Variants in MGAT4C observed in about 807,000 individuals in gnomAD.
MGAT4C encodes MGAT4 family member C, also known as alpha-1,3-mannosyl-glycoprotein 4-beta-N-acetylglucosaminyltransferase C.
In MGAT4C, 19 loss-of-function variants were observed where a neutral mutation model predicts 40.1. That is an observed-to-expected ratio of 0.47 (90% CI 0.33 to 0.70). MGAT4C has a LOEUF of 0.70. MGAT4C is among the 30% of genes least tolerant of loss of function. The probability of loss-of-function intolerance (pLI) is 0.02; values close to 1 mark genes in which losing one functional copy is unlikely to be tolerated. For synonymous variants in MGAT4C, 181 were observed against 187.1 expected, an observed-to-expected ratio of 0.97 and a Z score of 0.27; for missense variants, 491 against 563.2, an observed-to-expected ratio of 0.87 and a Z score of 1.30.
intron 2 of MGAT4C, among the ~76,000 whole-genome samples, chr12:86,665,117 G>A (rs1964071135): frequency 6.6e-6 from 1 of 151,566 alleles, no homozygotes; most frequent in African/African-American, 2.4e-5. Context: ...TAGACAAACT[G>A]TCTTTAAGAA....
chr12:86,588,913 G>C (rs1470414792), intron 2 of MGAT4C, among the ~76,000 whole-genome samples: 2 of 151,312 alleles, frequency 1.3e-5, no homozygotes, highest in African/African-American at 4.9e-5. Flanking sequence ...GTGAGTAGAG[G>C]GAAATTTATA....
At chr12:86,597,239 T>C (rs563560437) in intron 2 of MGAT4C, among the ~76,000 whole-genome samples, 24 of 152,312 alleles carry the variant, frequency 1.6e-4, no homozygotes, top group African/African-American at 5.8e-4. Context: ...ATTCTGACTC[T>C]TACCCTAACT....
rs570264119 is a variant in MGAT4C, at chr12:86,582,233, TAAC to T, written c.-229+144973_-229+144975del. Among the ~76,000 whole-genome samples, 41 of 151,596 alleles carry T rather than the reference TAAC, an allele frequency of 2.7e-4. No homozygotes were observed. The East Asian group carries it at 7.8e-3, about 29-fold the overall frequency. ...TTGAGACAATTGTTGCATCTGCTGA[TAAC>T]AACAACAAAGTCTTCAGGAGACTGT... is the stretch of plus-strand genomic sequence containing the variant. On this transcript the variant is annotated intron_variant, in intron 2 of 7. Coordinates refer to the MGAT4C transcript ENST00000548651.
chr12:86,724,695 G>A (rs1950793370), intron 2 of MGAT4C, among the ~76,000 whole-genome samples: 1 of 152,166 alleles, frequency 6.6e-6, no homozygotes, highest in African/African-American at 2.4e-5. Context: ...GAAATGTCAT[G>A]TTATAATGTC....
At chr12:86,835,771 T>C (rs1486770250) in intron 1 of MGAT4C, among the ~76,000 whole-genome samples, 1 of 151,918 alleles carries the variant, frequency 6.6e-6, no homozygotes, top group African/African-American at 2.4e-5. Context: ...CAAACAGTAC[T>C]CACATGCTCA....
chr12:86,711,306 G>T (rs1164927850), intron 2 of MGAT4C, among the ~76,000 whole-genome samples: 1 of 152,134 alleles, frequency 6.6e-6, no homozygotes, highest in Admixed American at 6.6e-5. Context: ...GGTAAAGTCT[G>T]TACCTGGCGC....
chr12:86,408,479 C>CTGTATATATA (rs1267344319), intron 3 of MGAT4C, among the ~76,000 whole-genome samples: 35 of 63,368 alleles, frequency 5.5e-4, no homozygotes, highest in African/African-American at 2.5e-3. Context: ...CTCTCTCTCT[C>CTGTATATATA]TATATATATA....
rs151142710 is a variant in MGAT4C at position 86,721,786 on chromosome 12, C to T, written c.-229+5423G>A. Among the ~76,000 whole-genome samples, 385 of 152,154 alleles carry T rather than the reference C, an allele frequency of 2.5e-3. 3 individuals carry two copies. The highest frequency in any genetic ancestry group is 4.5e-3 in the Non-Finnish European group (303 of 68,002). ...GAACAAAAAAACACACGCAGTTTGCCAGAGGGTCCAAGCTGGGTCCCTGAT... is the reference window on the plus strand; with the variant it reads ...GAACAAAAAAACACACGCAGTTTGCTAGAGGGTCCAAGCTGGGTCCCTGAT... On this transcript the variant is annotated intron_variant, in intron 2 of 7. Coordinates refer to the MGAT4C transcript ENST00000548651.
At chr12:86,685,835 C>G (rs1458408220) in intron 2 of MGAT4C, among the ~76,000 whole-genome samples, 1 of 149,340 alleles carries the variant, frequency 6.7e-6, no homozygotes, top group East Asian at 1.9e-4. Flanking sequence ...CTCTGTTTTT[C>G]TATTATTGGT....
intron 1 of MGAT4C, among the ~76,000 whole-genome samples, chr12:86,150,217 A>C (rs1043919261): frequency 6.6e-6 from 1 of 152,206 alleles, no homozygotes; most frequent in African/African-American, 2.4e-5. Context: ...AGACATGAAC[A>C]GACAGTAAAG....
At chr12:86,755,767 C>T (rs1380101602) in intron 1 of MGAT4C, among the ~76,000 whole-genome samples, 1 of 151,802 alleles carries the variant, frequency 6.6e-6, no homozygotes, top group Non-Finnish European at 1.5e-5. Context: ...CCAGCCACAG[C>T]CTCTGAGTAG....
chr12:86,574,726 T>C (rs972921315), intron 2 of MGAT4C, among the ~76,000 whole-genome samples: 3 of 151,848 alleles, frequency 2.0e-5, no homozygotes, highest in Non-Finnish European at 2.9e-5. Flanking sequence ...CCTTCATTGA[T>C]TGAGCAATTT....
chr12:86,801,302 T>C (rs1232631063), intron 1 of MGAT4C, among the ~76,000 whole-genome samples: 1 of 151,882 alleles, frequency 6.6e-6, no homozygotes, highest in Non-Finnish European at 1.5e-5. Flanking sequence ...AGGGAGAACA[T>C]TTTTTAAGTA....
intron 3 of MGAT4C, among the ~76,000 whole-genome samples, chr12:86,350,933 G>A (rs527786781): frequency 6.6e-6 from 1 of 151,528 alleles, no homozygotes; most frequent in South Asian, 2.1e-4. Flanking sequence ...TACCTTTATA[G>A]ACATGTTGTT....
intron 1 of MGAT4C, among the ~76,000 whole-genome samples, chr12:86,155,848 A>G (rs1884869092): frequency 6.6e-6 from 1 of 152,194 alleles, no homozygotes; most frequent in East Asian, 1.9e-4. Context: ...TGTTCTTTTA[A>G]TCCAGTGCTG....
At chr12:86,258,284 AATCT>A (rs10534958), upstream of MGAT4C, among the ~76,000 whole-genome samples, 30,125 of 146,566 alleles carry the variant, frequency 0.21, 3,056 homozygotes, top group South Asian at 0.24. Context: ...AACAGGATAT[AATCT>A]ATCTATCTAT....
At chr12:86,081,991 G>C (rs1224881290) in intron 1 of MGAT4C, among the ~76,000 whole-genome samples, 5 of 152,266 alleles carry the variant, frequency 3.3e-5, no homozygotes, top group East Asian at 3.9e-4. Flanking sequence ...AGTTTGTGCA[G>C]CATACTGTCT....
At chr12:86,737,884 T>TA (rs1331187893) in intron 1 of MGAT4C, among the ~76,000 whole-genome samples, 4 of 151,554 alleles carry the variant, frequency 2.6e-5, no homozygotes, top group African/African-American at 9.7e-5. Flanking sequence ...CCAAGTCTCT[T>TA]ACCTAAATTT....
intron 1 of MGAT4C, among the ~76,000 whole-genome samples, chr12:86,795,898 C>G (rs944315209): frequency 6.6e-6 from 1 of 151,856 alleles, no homozygotes; most frequent in Non-Finnish European, 1.5e-5. Context: ...TAAAGTGTGT[C>G]AGAATTAGGT....
Sources: allele counts gnomAD v4.1 joint callset (sites outside exome capture counted in the v4.1 genomes callset), GRCh38; gene constraint gnomAD v4.1.1; transcripts MANE v1.5; gene names NCBI Gene and HGNC (gene_info 2026-07-23, HGNC 2026-07-21).